The following DOCK6 variants were observed in gnomAD, a reference collection of about 807,000 sequenced individuals.
DOCK6 encodes the protein dedicator of cytokinesis 6, also known as dedicator of cytokinesis protein 6.
DOCK6 carries 167 observed loss-of-function variants against 230.3 expected under a neutral mutation model. The observed-to-expected ratio is 0.73, with a 90% CI of 0.64 to 0.82. The LOEUF (loss-of-function observed/expected upper bound fraction) is 0.82. Ranked by LOEUF, DOCK6 falls within the 40% of genes least tolerant of loss-of-function variation. The pLI, the probability that DOCK6 is intolerant of heterozygous loss-of-function variation, is 0.00. For missense variants in DOCK6, 2,598 were observed against 2,825.8 expected (o/e 0.92, Z 1.83); for synonymous variants, 1,148 against 1,185.0 (o/e 0.97, Z 0.64).
Position 11,200,318 on chromosome 19 carries a change from G to T in DOCK6, c.6091C>A (p.Pro2031Thr), listed in dbSNP as rs1365521861. The change falls in exon 47 of 48, where the codon CCC (proline) becomes ACC (threonine). Residue 2031 changes from proline to threonine, a missense_variant. Coordinates refer to ENST00000294618, the MANE Select transcript of DOCK6 (RefSeq NM_020812.4). The surrounding 1 kb of genome is among the most constrained non-coding windows in gnomAD (Gnocchi z 4.3). ...RLPQLMAPTP[P>T]GLRNSLNRAS... The stretch of plus-strand genomic sequence containing the variant: ...CACTAGGTCAGGCACCTGAGGCCGG[G>T]TGGGGTGGGTGCCATCAGCTGGGGC... 1.3e-6 allele frequency: 2 copies of T among 1,566,490 alleles called. No individual in the cohort carries two copies.
Position 11,200,625 on chromosome 19 carries a change from TG to T in DOCK6, c.5939+90del. The T allele has an allele frequency of 2.7e-6, 4 of 1,494,720 alleles. No individual in the cohort carries two copies. The highest frequency in any genetic ancestry group is 3.6e-6 in the Non-Finnish European group (4 of 1,105,682). The allele number at this position is 1,494,720 out of a possible 1,614,324, so 92.6% of individuals were successfully genotyped here. A position where few individuals can be genotyped will look rare whatever the true frequency, so the allele number is the denominator to read the frequency against. ...GTGGACTTAATGGGAATCGGGCAGA[TG>T]GGGGAGCCATGCAGAGATCAGATGG... On this transcript the variant is annotated intron_variant, in intron 46 of 47. Coordinates refer to ENST00000294618, the MANE Select transcript of DOCK6 (RefSeq NM_020812.4). The surrounding 1 kb of genome is among the most constrained non-coding windows in gnomAD (Gnocchi z 4.3).
chr19:11,259,437 A>G (rs11667500), intron 1 of DOCK6, among the ~76,000 whole-genome samples: 80,244 of 145,444 alleles, frequency 0.55, 22,635 homozygotes, highest in South Asian at 0.65. Flanking sequence ...AGGATGGGGG[A>G]GAGAGAGAGA....
At position 11,199,420 on chromosome 19, in the gene DOCK6, G is replaced by C. The variant is rs575547302; in HGVS notation, c.*77C>G. ...CACCCCACAGCCCAGTGGGCACCAGGGCAGACTCCCCTCGCAGCACAGACA... is the reference window on the plus strand; with the variant it reads ...CACCCCACAGCCCAGTGGGCACCAGCGCAGACTCCCCTCGCAGCACAGACA... On this transcript the variant is annotated 3_prime_UTR_variant, in exon 48 of 48. Coordinates refer to ENST00000294618, the MANE Select transcript of DOCK6 (RefSeq NM_020812.4). The C allele has an allele frequency of 3.3e-6, 5 of 1,527,978 alleles. No homozygotes were observed. Among genetic ancestry groups the C allele is most frequent in the African/African-American group, 2.8e-5 (2 of 72,706 alleles). 94.7% of individuals were successfully genotyped at this position (1,527,978 alleles called of 1,614,324 possible). A position where few individuals can be genotyped will look rare whatever the true frequency, so the allele number is the denominator to read the frequency against.
chr19:11,230,338 T>C (rs2079744747), intron 22 of DOCK6, among the ~76,000 whole-genome samples: 1 of 151,082 alleles, frequency 6.6e-6, no homozygotes, highest in African/African-American at 2.4e-5. Context: ...AGACTCCGTC[T>C]CAAAAAAAAA....
chr19:11,208,114 C>CTT (rs1432312208), intron 39 of DOCK6: 1 of 152,096 alleles, frequency 6.6e-6, no homozygotes, highest in Non-Finnish European at 1.5e-5. Flanking sequence ...GAGCAAGACT[C>CTT]TGTCAAAAAC....
At chr19:11,203,895 G>C in intron 41 of DOCK6, 186 bp downstream of exon 41, 1 of 724,286 alleles carries the variant, frequency 1.4e-6, no homozygotes, top group Non-Finnish European at 2.3e-6. Flanking sequence ...CGAGATCTGG[G>C]GCGGGGGGTG....
chr19:11,205,444 G>A (rs2079242650), intron 39 of DOCK6, among the ~76,000 whole-genome samples: 2 of 152,030 alleles, frequency 1.3e-5, no homozygotes, highest in Admixed American at 1.3e-4. Context: ...CTGGGTTCAA[G>A]CAATTCTCCT....
At chr19:11,261,532 C>G (rs1420682909) in intron 1 of DOCK6, among the ~76,000 whole-genome samples, 2 of 152,172 alleles carry the variant, frequency 1.3e-5, no homozygotes, top group African/African-American at 2.4e-5. Flanking sequence ...ACAGGTCCCC[C>G]GGGGAGAGGA....
At chr19:11,223,412 A>G (rs1300632627) in intron 24 of DOCK6, among the ~76,000 whole-genome samples, 2 of 152,064 alleles carry the variant, frequency 1.3e-5, no homozygotes, top group East Asian at 3.9e-4. Context: ...GAACCACATG[A>G]CCAATTCTGG....
In DOCK6 at chr19:11,201,036, A is replaced by G. The variant is rs1301731391; in HGVS notation, c.5705T>C (p.Val1902Ala). ...CTGCATGTCCTCGATGGCCACCTCC[A>G]CTGGCGTCAGCACCGTCTGTGGGGT... ...CHREETVLTP[V>A]EVAIEDMQKK... The change falls in exon 45 of 48, where the codon GTG becomes GCG. Residue 1902 changes from valine to alanine, a missense_variant. Coordinates refer to ENST00000294618, the MANE Select transcript of DOCK6 (RefSeq NM_020812.4). This position sits in a 1 kb window ranked among gnomAD's most constrained non-coding sequence, Gnocchi z 4.3. The G allele has an allele frequency of 6.2e-7, 1 of 1,613,672 alleles. No homozygotes were observed. Among genetic ancestry groups the G allele is most frequent in the Admixed American group, 1.7e-5 (1 of 59,988 alleles).
rs1485829117 is a variant in DOCK6 at position 11,222,105 on chromosome 19, T to G, written c.3380+4A>C. 1 of 1,612,686 alleles carries G rather than the reference T, an allele frequency of 6.2e-7. No individual in the cohort carries two copies. The highest frequency in any genetic ancestry group is 8.5e-7 in the Non-Finnish European group (1 of 1,179,236). Reference sequence around the variant, plus strand: ...TCCTGGGGCTAGACAGGAGCTCTGCTCACCCTTCAGCCTCAGGTTCGAGGG... The same window carrying G: ...TCCTGGGGCTAGACAGGAGCTCTGCGCACCCTTCAGCCTCAGGTTCGAGGG... On this transcript the variant is annotated splice_donor_region_variant and intron_variant, in intron 27 of 47. Coordinates refer to ENST00000294618, the MANE Select transcript of DOCK6 (RefSeq NM_020812.4). The surrounding 1 kb of genome is among the most constrained non-coding windows in gnomAD (Gnocchi z 4.0).
In DOCK6 at chr19:11,202,285, G is replaced by A; in HGVS notation, c.5451+109C>T. ...GGAATAGGTTTTGGGGTCCCTCAGT[G>A]AAATATGATTTGGGGTTTCCCAGAG... On this transcript the variant is annotated intron_variant, in intron 43 of 47. Coordinates refer to ENST00000294618, the MANE Select transcript of DOCK6 (RefSeq NM_020812.4). The surrounding 1 kb of genome is among the most constrained non-coding windows in gnomAD (Gnocchi z 5.3). The A allele has an allele frequency of 2.8e-6, 4 of 1,441,716 alleles. No homozygotes were observed. The highest frequency in any genetic ancestry group is 3.8e-6 in the Non-Finnish European group (4 of 1,052,364). 89.3% of individuals were successfully genotyped at this position (1,441,716 alleles called of 1,614,324 possible).
chr19:11,242,238 C>T (rs1427090339), intron 13 of DOCK6, 31 bp from the exon 14 acceptor site: 1 of 1,423,978 alleles, frequency 7.0e-7, no homozygotes, highest in African/African-American at 1.5e-5. Flanking sequence ...TTGCACCTGC[C>T]TGGGAGCCTC....
chr19:11,219,869 G>A (rs1016753224), intron 28 of DOCK6, among the ~76,000 whole-genome samples: 18 of 151,934 alleles, frequency 1.2e-4, no homozygotes, highest in African/African-American at 3.9e-4. Flanking sequence ...CTTTATGGAC[G>A]AAGAAATTGA....
intron 22 of DOCK6, 65 bp downstream of exon 22, chr19:11,233,138 T>C: frequency 6.4e-7 from 1 of 1,568,264 alleles, no homozygotes; most frequent in South Asian, 1.1e-5. Context: ...CAACAGATTC[T>C]TCGCCCACAC....
At chr19:11,249,367 C>G (rs2080082325) in intron 6 of DOCK6, among the ~76,000 whole-genome samples, 1 of 151,480 alleles carries the variant, frequency 6.6e-6, no homozygotes, top group Non-Finnish European at 1.5e-5. Flanking sequence ...AAAAATTAGC[C>G]AGGCATAGTG....
intron 1 of DOCK6, among the ~76,000 whole-genome samples, chr19:11,261,971 C>T (rs1271783268): frequency 6.6e-6 from 1 of 152,140 alleles, no homozygotes; most frequent in African/African-American, 2.4e-5. Context: ...CCTCCCTGCC[C>T]CAAACCAGGC....
chr19:11,232,736 A>G (rs1229934302), intron 22 of DOCK6, among the ~76,000 whole-genome samples: 1 of 144,186 alleles, frequency 6.9e-6, no homozygotes, highest in Non-Finnish European at 1.5e-5. Flanking sequence ...ATACGTGCCC[A>G]TGTACATATA....
intron 14 of DOCK6, 82 bp from the exon 15 acceptor site, chr19:11,238,386 G>A (rs1354151595): frequency 1.1e-5 from 14 of 1,313,672 alleles, no homozygotes; most frequent in Middle Eastern, 2.5e-4. Context: ...GGACAAGGCT[G>A]GCTGGGAGCA....
Sources: allele counts gnomAD v4.1 joint callset (sites outside exome capture counted in the v4.1 genomes callset), GRCh38; gene constraint gnomAD v4.1.1; non-coding constraint Gnocchi (gnomAD v3.1); transcripts MANE v1.5; gene names NCBI Gene and HGNC (gene_info 2026-07-23, HGNC 2026-07-21).